KHDRBS2: variants seen among roughly 807,000 people sequenced by gnomAD.
The protein encoded by KHDRBS2 is KH domain-containing, RNA-binding, signal transduction-associated protein 2.
KHDRBS2 carries 26 observed loss-of-function variants against 44.3 expected under a neutral mutation model. That is an observed-to-expected ratio of 0.59 (90% CI 0.43 to 0.81). The LOEUF is 0.81. KHDRBS2 is among the 40% of genes least tolerant of loss of function. KHDRBS2 has a pLI of 0.00. For missense variants in KHDRBS2, 476 were observed against 433.1 expected, an observed-to-expected ratio of 1.10 and a Z score of -0.88; for synonymous variants, 194 against 151.1, an observed-to-expected ratio of 1.28 and a Z score of -2.08.
chr6:61,955,197 TAC>T (rs1766417417), intron 4 of KHDRBS2, among the ~76,000 whole-genome samples: 4 of 145,352 alleles, frequency 2.8e-5, no homozygotes, highest in African/African-American at 7.5e-5. Context: ...TTTGTATGTA[TAC>T]ATATATATGT....
At chr6:61,790,856 A>C (rs1784533920) in intron 6 of KHDRBS2, among the ~76,000 whole-genome samples, 1 of 151,520 alleles carries the variant, frequency 6.6e-6, no homozygotes, top group South Asian at 2.1e-4. Flanking sequence ...TATTATTTGA[A>C]TGTATAACAT....
the KHDRBS2 span, among the ~76,000 whole-genome samples, chr6:61,612,975 C>T: frequency 6.6e-6 from 1 of 151,102 alleles, no homozygotes; most frequent in Non-Finnish European, 1.5e-5. Context: ...GCCTCAGCCT[C>T]CCGAGTAGCT....
At chr6:61,596,088 G>C in the KHDRBS2 span, among the ~76,000 whole-genome samples, 14 of 152,032 alleles carry the variant, frequency 9.2e-5, no homozygotes, top group Non-Finnish European at 1.9e-4. Context: ...GGTGACCCAG[G>C]TGCTGTAGAC....
In KHDRBS2 at chr6:62,151,498, T is replaced by C. The variant is rs539286310; in HGVS notation, c.219+25687A>G. On this transcript the variant is annotated intron_variant, in intron 2 of 8. Coordinates refer to ENST00000281156, the MANE Select transcript of KHDRBS2 (RefSeq NM_152688.4). ...ATGAATAGGGCATCTTTAAAATGTA[T>C]CTTAAGTAAAAGAAGAAACATTTCA... Among the ~76,000 whole-genome samples the C allele has an allele frequency of 1.2e-4, 19 of 152,296 alleles. 1 individual carries two copies. In the East Asian group the frequency reaches 3.5e-3, roughly 28 times the overall value.
Position 62,250,768 on chromosome 6 carries a change from G to A in KHDRBS2, c.91+35090C>T, listed in dbSNP as rs1836388368. Among the ~76,000 whole-genome samples, 11 of 151,622 alleles carry A rather than the reference G, an allele frequency of 7.3e-5. No homozygotes were observed. In the South Asian group the frequency reaches 2.3e-3, roughly 31 times the overall value. Reference sequence around the variant, plus strand: ...TCATCACAGACTCACAAGTTGTAAGGGAGAAAAAAATATTAATTACAAAAG... The same window carrying A: ...TCATCACAGACTCACAAGTTGTAAGAGAGAAAAAAATATTAATTACAAAAG... On this transcript the variant is annotated intron_variant, in intron 1 of 8. Transcript: ENST00000281156.
intron 2 of KHDRBS2, among the ~76,000 whole-genome samples, chr6:62,116,763 C>T (rs139591615): frequency 1.1e-3 from 168 of 152,090 alleles, no homozygotes; most frequent in African/African-American, 1.1e-3. Context: ...TTCTTTTCTG[C>T]GCCCTCCCAC....
At chr6:61,853,120 T>G (rs764291916) in intron 6 of KHDRBS2, among the ~76,000 whole-genome samples, 2 of 152,138 alleles carry the variant, frequency 1.3e-5, no homozygotes, top group South Asian at 4.1e-4. Flanking sequence ...ATATTTGGCA[T>G]CTGGTACCAA....
intron 1 of KHDRBS2, among the ~76,000 whole-genome samples, chr6:62,181,415 T>C (rs1822260312): frequency 6.6e-6 from 1 of 151,934 alleles, no homozygotes; most frequent in African/African-American, 2.4e-5. Flanking sequence ...AAAGATGATA[T>C]GCAAATGGAC....
In KHDRBS2 at chr6:62,214,298, G is replaced by C. The variant is rs376211291; in HGVS notation, c.92-36986C>G. ...CAGGAAAGGATTATATATCAAATTA[G>C]AACAGCCATTAATGATTATAACAAT... On this transcript the variant is annotated intron_variant, in intron 1 of 8. Coordinates refer to ENST00000281156, the MANE Select transcript of KHDRBS2 (RefSeq NM_152688.4). Among the ~76,000 whole-genome samples, 8 of 152,026 alleles carry C rather than the reference G, an allele frequency of 5.3e-5. No homozygotes were observed. In the East Asian group the frequency reaches 5.8e-4, roughly 11 times the overall value.
At chr6:62,007,853 T>C (rs1173206495) in intron 3 of KHDRBS2, among the ~76,000 whole-genome samples, 1 of 152,182 alleles carries the variant, frequency 6.6e-6, no homozygotes, top group Non-Finnish European at 1.5e-5. Flanking sequence ...TTTGATGCTG[T>C]AGAAACAATA....
chr6:62,203,610 G>A (rs1027597021), intron 1 of KHDRBS2, among the ~76,000 whole-genome samples: 1 of 152,088 alleles, frequency 6.6e-6, no homozygotes, highest in Admixed American at 6.6e-5. Flanking sequence ...AGCTTGAGAT[G>A]TTTGAAGCAT....
In KHDRBS2 at chr6:61,864,480, A is replaced by C. The variant is rs184806999; in HGVS notation, c.810+30155T>G. 2.3e-3 allele frequency among the ~76,000 whole-genome samples: 344 copies of C among 152,236 alleles called. 2 individuals are homozygous for C. Among genetic ancestry groups the C allele is most frequent in the African/African-American group, 8.1e-3 (335 of 41,534 alleles). ...TCTTGTGGCAATGGATTCCCTCAGCATTTGCTTATCTGAAAAGGATCTTAT... is the reference window on the plus strand; with the variant it reads ...TCTTGTGGCAATGGATTCCCTCAGCCTTTGCTTATCTGAAAAGGATCTTAT... On this transcript the variant is annotated intron_variant, in intron 6 of 8. Transcript: ENST00000281156.
At chr6:62,224,440 G>C (rs960435501) in intron 1 of KHDRBS2, among the ~76,000 whole-genome samples, 1 of 152,004 alleles carries the variant, frequency 6.6e-6, no homozygotes, top group Non-Finnish European at 1.5e-5. Context: ...GGTTTGTATG[G>C]GAATACGACT....
the KHDRBS2 span, among the ~76,000 whole-genome samples, chr6:61,599,737 G>T: frequency 6.6e-6 from 1 of 152,158 alleles, no homozygotes; most frequent in Admixed American, 6.5e-5. Context: ...ACTCCTGTGA[G>T]AACTTAGCCC....
chr6:61,957,316 A>T lies in KHDRBS2; in HGVS notation c.483+20750T>A, dbSNP rs552961244. 2.6e-5 allele frequency among the ~76,000 whole-genome samples: 4 copies of T among 152,336 alleles called. No individual in the cohort carries two copies. In the South Asian group the frequency reaches 8.3e-4, roughly 32 times the overall value. On this transcript the variant is annotated intron_variant, in intron 4 of 8. Coordinates refer to ENST00000281156, the MANE Select transcript of KHDRBS2 (RefSeq NM_152688.4). ...GGGCACCTTGATAAAAGAACAGGAT[A>T]ACAGCAATGTTCAGGGAACAAGGGA...
chr6:62,259,568 T>C (rs747284777), intron 1 of KHDRBS2, among the ~76,000 whole-genome samples: 2 of 151,976 alleles, frequency 1.3e-5, no homozygotes, highest in Non-Finnish European at 2.9e-5. Flanking sequence ...TTTGTTAATA[T>C]AGTCAGGAAA....
chr6:61,948,929 C>G (rs532715971), intron 4 of KHDRBS2, among the ~76,000 whole-genome samples: 3 of 151,978 alleles, frequency 2.0e-5, no homozygotes, highest in East Asian at 1.9e-4. Flanking sequence ...ACGTGTTATG[C>G]GAGCGGAATA....
intron 6 of KHDRBS2, among the ~76,000 whole-genome samples, chr6:61,770,890 T>C (rs1477823077): frequency 6.6e-6 from 1 of 152,152 alleles, no homozygotes; most frequent in Non-Finnish European, 1.5e-5. Context: ...ATTGTCAGGT[T>C]CACGAAAGTT....
At chr6:61,825,525 C>T (rs1006688166) in intron 6 of KHDRBS2, among the ~76,000 whole-genome samples, 3 of 152,168 alleles carry the variant, frequency 2.0e-5, no homozygotes, top group Non-Finnish European at 4.4e-5. Flanking sequence ...GTAGAAAATG[C>T]ATTTCTTCTT....
Sources: allele counts gnomAD v4.1 joint callset (sites outside exome capture counted in the v4.1 genomes callset), GRCh38; gene constraint gnomAD v4.1.1; transcripts MANE v1.5; gene names NCBI Gene and HGNC (gene_info 2026-07-23, HGNC 2026-07-21).